Variants in RGS7 observed in about 807,000 individuals in gnomAD.
RGS7 encodes the protein regulator of G protein signaling 7.
In RGS7, 27 loss-of-function variants were observed where a neutral mutation model predicts 81.1. The observed-to-expected ratio is 0.33, with a 90% CI of 0.25 to 0.46. The LOEUF (loss-of-function observed/expected upper bound fraction) is 0.46, where lower values mean the gene tolerates loss of function less well. Among genes scored for constraint, RGS7 ranks in the 20% least tolerant of loss-of-function variants. The pLI, the probability that RGS7 is intolerant of heterozygous loss-of-function variation, is 1.00. For missense variants in RGS7, 396 were observed against 607.4 expected (o/e 0.65, Z 3.66); for synonymous variants, 208 against 207.7 (o/e 1.00, Z -0.01).
At chr1:241,327,700 A>C (rs1391543605) in intron 2 of RGS7, among the ~76,000 whole-genome samples, 1 of 152,266 alleles carries the variant, frequency 6.6e-6, no homozygotes, top group Non-Finnish European at 1.5e-5. Context: ...AATCCAGAGC[A>C]AAAGTTAGAA....
chr1:240,790,608 G>A (rs1428720915), intron 18 of RGS7, among the ~76,000 whole-genome samples: 4 of 152,206 alleles, frequency 2.6e-5, no homozygotes, highest in African/African-American at 9.7e-5. Flanking sequence ...AGGATTAATA[G>A]CTGGAAGTTA....
chr1:241,087,542 G>A (rs1007870047), intron 3 of RGS7, among the ~76,000 whole-genome samples: 1 of 152,158 alleles, frequency 6.6e-6, no homozygotes, highest in African/African-American at 2.4e-5. Context: ...GAAGCTTCCT[G>A]TAGTTTACAC....
chr1:240,920,430 A>G lies in RGS7; in HGVS notation c.385+10287T>C, dbSNP rs1260118860. The G allele has an allele frequency of 2.3e-6, 3 of 1,278,540 alleles. No homozygotes were observed. In the Admixed American group the frequency reaches 5.1e-5, roughly 22 times the overall value. The allele number at this position is 1,278,540 out of a possible 1,614,324, so 79.2% of individuals were successfully genotyped here. A position where few individuals can be genotyped will look rare whatever the true frequency, so the allele number is the denominator to read the frequency against. The stretch of plus-strand genomic sequence containing the variant: ...CAATTTTGGAGGTGGTGGAAGCTAC[A>G]ATGATTTTGGCAATTACAACAATCA... On this transcript the variant is annotated intron_variant, in intron 6 of 18. Coordinates refer to ENST00000440928, the MANE Select transcript of RGS7 (RefSeq NM_001364886.1).
intron 3 of RGS7, among the ~76,000 whole-genome samples, chr1:241,017,890 T>C (rs928928247): frequency 3.9e-5 from 6 of 152,150 alleles, no homozygotes; most frequent in Non-Finnish European, 5.9e-5. Context: ...TCATAGTTAT[T>C]TTAAGTTTCC....
At chr1:241,050,492 T>C (rs1200341233) in intron 3 of RGS7, among the ~76,000 whole-genome samples, 1 of 152,180 alleles carries the variant, frequency 6.6e-6, no homozygotes, top group Non-Finnish European at 1.5e-5. Context: ...TTTCTTGTAA[T>C]TATGAAGGTA....
chr1:241,285,460 G>C (rs969868825), intron 2 of RGS7, among the ~76,000 whole-genome samples: 3 of 152,254 alleles, frequency 2.0e-5, no homozygotes, highest in Admixed American at 6.5e-5. Context: ...ATCTAATAGA[G>C]GACGCTATTC....
intron 2 of RGS7, among the ~76,000 whole-genome samples, chr1:241,206,620 T>C (rs1339375248): frequency 6.6e-6 from 1 of 152,220 alleles, no homozygotes; most frequent in Admixed American, 6.5e-5. Context: ...CTGCCATCTA[T>C]GTGCCCAATC....
intron 2 of RGS7, among the ~76,000 whole-genome samples, chr1:241,124,849 G>T (rs1322255322): frequency 6.6e-6 from 1 of 152,232 alleles, no homozygotes; most frequent in Non-Finnish European, 1.5e-5. Flanking sequence ...CAGGTAGGCA[G>T]AGGCAAAAGC....
At chr1:240,861,397 G>A (rs1050848510) in intron 9 of RGS7, among the ~76,000 whole-genome samples, 1 of 152,050 alleles carries the variant, frequency 6.6e-6, no homozygotes, top group Non-Finnish European at 1.5e-5. Flanking sequence ...AATTCTTATT[G>A]CTTCAGTGCT....
chr1:241,051,061 C>T (rs1349232454), intron 3 of RGS7, among the ~76,000 whole-genome samples: 1 of 152,096 alleles, frequency 6.6e-6, no homozygotes, highest in South Asian at 2.1e-4. Context: ...TACTTGTACT[C>T]TTGCCCTACA....
At chr1:241,247,701 T>TAAA (rs538409802) in intron 2 of RGS7, among the ~76,000 whole-genome samples, 1,766 of 144,690 alleles carry the variant, frequency 0.012, 17 homozygotes, top group African/African-American at 0.026. Context: ...TTTTCTCAAC[T>TAAA]AAAAAAAAAA....
chr1:241,310,353 G>A (rs775204674), intron 2 of RGS7, among the ~76,000 whole-genome samples: 2 of 151,244 alleles, frequency 1.3e-5, no homozygotes, highest in Non-Finnish European at 3.0e-5. Context: ...ACCTAGAGAC[G>A]AAGGTGTGAG....
chr1:241,281,487 C>T (rs953156237), intron 2 of RGS7, among the ~76,000 whole-genome samples: 26 of 152,144 alleles, frequency 1.7e-4, no homozygotes, highest in African/African-American at 3.1e-4. Flanking sequence ...AAACCGTAAA[C>T]GCTGAATAAC....
intron 3 of RGS7, among the ~76,000 whole-genome samples, chr1:241,047,944 TAGTC>T (rs1004709943): frequency 1.3e-5 from 2 of 152,004 alleles, no homozygotes; most frequent in Non-Finnish European, 2.9e-5. Context: ...TTCACCATGT[TAGTC>T]AGGCTGATCT....
chr1:241,001,871 T>C (rs1200862044), intron 3 of RGS7, among the ~76,000 whole-genome samples: 1 of 152,172 alleles, frequency 6.6e-6, no homozygotes, highest in South Asian at 2.1e-4. Context: ...TTATAACCCA[T>C]AGAATGCACA....
chr1:241,159,943 T>C (rs1240351240), intron 2 of RGS7, among the ~76,000 whole-genome samples: 1 of 151,770 alleles, frequency 6.6e-6, no homozygotes, highest in African/African-American at 2.4e-5. Context: ...AACTTTATAT[T>C]AAGTAATATG....
chr1:240,939,384 T>G (rs1677177310), intron 4 of RGS7, among the ~76,000 whole-genome samples: 1 of 152,178 alleles, frequency 6.6e-6, no homozygotes, highest in Admixed American at 6.5e-5. Flanking sequence ...TTTAAAAAGC[T>G]AGGCTGAGTG....
intron 6 of RGS7, among the ~76,000 whole-genome samples, chr1:240,903,875 C>T (rs1365392336): frequency 1.3e-5 from 2 of 152,256 alleles, no homozygotes; most frequent in Non-Finnish European, 2.9e-5. Flanking sequence ...TGCACGTCAG[C>T]TCTCCTTCAC....
At chr1:240,787,308 G>A (rs138413816) in intron 18 of RGS7, among the ~76,000 whole-genome samples, 25 of 152,184 alleles carry the variant, frequency 1.6e-4, no homozygotes, top group African/African-American at 5.8e-4. Flanking sequence ...TGTTTGCAAG[G>A]AGCTCCCTGT....
Sources: gnomAD v4.1 joint callset for allele counts (sites outside exome capture counted in the v4.1 genomes callset) on GRCh38, gnomAD v4.1.1 for gene constraint, MANE v1.5 for transcripts, NCBI Gene and HGNC (gene_info 2026-07-23, HGNC 2026-07-21) for gene names.